Variants in MYSM1 observed in about 807,000 individuals in gnomAD.
The protein encoded by MYSM1 is Myb like, SWIRM and MPN domains 1.
In MYSM1, 51 loss-of-function variants were observed where a neutral mutation model predicts 116.0. The observed-to-expected ratio is 0.44, with a 90% CI of 0.35 to 0.56. MYSM1 has a LOEUF of 0.56. Among genes scored for constraint, MYSM1 ranks in the 20% least tolerant of loss-of-function variants. MYSM1 has a pLI of 0.00. For missense variants in MYSM1, 900 were observed against 974.9 expected (o/e 0.92, Z 1.02); for synonymous variants, 313 against 315.2 (o/e 0.99, Z 0.07).
chr1:58,671,981 T>G (rs1441983734), intron 11 of MYSM1, 23 bp from the exon 12 acceptor site: 1 of 1,583,000 alleles, frequency 6.3e-7, no homozygotes, highest in Admixed American at 1.7e-5. Flanking sequence ...GCCAATTGAT[T>G]AAGGAGTCCA....
intron 6 of MYSM1, among the ~76,000 whole-genome samples, chr1:58,686,736 T>C (rs1055286856): frequency 3.9e-5 from 6 of 152,142 alleles, no homozygotes; most frequent in African/African-American, 1.4e-4. Flanking sequence ...CATTGGTAGG[T>C]AGCATGGAGC....
At chr1:58,691,008 G>A (rs1433404709) in intron 3 of MYSM1, among the ~76,000 whole-genome samples, 6 of 152,064 alleles carry the variant, frequency 3.9e-5, no homozygotes, top group Admixed American at 6.5e-5. Context: ...GGCCAGGCGC[G>A]GTGGCTCACA....
Position 58,667,189 on chromosome 1 carries a change from C to A in MYSM1, c.1880G>T (p.Gly627Val). 6.2e-7 allele frequency: 1 copy of A among 1,606,268 alleles called. No individual in the cohort carries two copies. The highest frequency in any genetic ancestry group is 8.5e-7 in the Non-Finnish European group (1 of 1,175,468). The change falls in exon 16 of 20, where the codon GGA (glycine) becomes GTA (valine). Residue 627 changes from glycine to valine, a missense_variant. Physicochemically the swap from Gly to Val is moderately radical, Grantham distance 109. This residue lies in a region of MYSM1 where 92 missense variants were observed against 155.0 expected (regional missense o/e 0.59). Transcript: ENST00000472487. ...TACAGGATCCATCTCACACTGTAGT[C>A]CTGTACTCAGACTGTTACATGGTTC... ...AAEPCNSLST[G>V]LQCEMDPVSQ...
At position 58,682,215 on chromosome 1, in the gene MYSM1, T is replaced by C; in HGVS notation, c.829A>G (p.Arg277Gly). ...SQEALFSKSS[R>G]GCLQNEKQDE... ...TGCTTTTCATTTTGAAGACAGCCCC[T>C]GGAAGACTTAGAAAAGAGAGCTTCC... The change falls in exon 8 of 20, where the codon AGG becomes GGG. Residue 277 changes from arginine (R) to glycine (G), a missense_variant. By Grantham distance (125) the Arg-to-Gly change is moderately radical (BLOSUM62 -2). Around this residue, in one of 3 missense-constraint regions of MYSM1, gnomAD observed 622 missense variants for 623.7 expected, o/e 1.00. Transcript: ENST00000472487. The C allele has an allele frequency of 6.2e-7, 1 of 1,613,378 alleles. No homozygotes were observed. The highest frequency in any genetic ancestry group is 2.2e-5 in the East Asian group (1 of 44,852).
chr1:58,698,428 G>C (rs1203604803), intron 1 of MYSM1, among the ~76,000 whole-genome samples: 4 of 151,904 alleles, frequency 2.6e-5, no homozygotes, highest in African/African-American at 9.7e-5. Context: ...ATACTCCTTG[G>C]GGTTGTATAA....
intron 7 of MYSM1, 40 bp downstream of exon 7, chr1:58,685,113 A>C (rs1160303593): frequency 6.8e-7 from 1 of 1,478,538 alleles, no homozygotes; most frequent in African/African-American, 1.4e-5. Flanking sequence ...TTTTTTCTAA[A>C]TATTATCATT....
chr1:58,672,546 G>A (rs1644579094), intron 11 of MYSM1, among the ~76,000 whole-genome samples: 1 of 152,046 alleles, frequency 6.6e-6, no homozygotes, highest in Non-Finnish European at 1.5e-5. Flanking sequence ...CACACAGTAA[G>A]CCCTTTATAA....
intron 8 of MYSM1, 124 bp downstream of exon 8, chr1:58,681,661 A>T: frequency 1.0e-6 from 1 of 955,394 alleles, no homozygotes; most frequent in Non-Finnish European, 1.5e-6. Context: ...AAGAAATCTT[A>T]AATCTTCCCT....
At chr1:58,688,325 G>C (rs1644857931) in intron 6 of MYSM1, among the ~76,000 whole-genome samples, 1 of 151,208 alleles carries the variant, frequency 6.6e-6, no homozygotes, top group Non-Finnish European at 1.5e-5. Flanking sequence ...TATATGTAAT[G>C]TATAAATATA....
chr1:58,675,607 C>A (rs769846341), intron 9 of MYSM1, 27 bp from the exon 10 acceptor site: 1 of 1,571,020 alleles, frequency 6.4e-7, no homozygotes, highest in Non-Finnish European at 8.7e-7. Context: ...AAGATAAAAC[C>A]ATCTATTATT....
intron 17 of MYSM1, among the ~76,000 whole-genome samples, chr1:58,664,226 T>C (rs1644435410): frequency 6.6e-6 from 1 of 152,204 alleles, no homozygotes; most frequent in Admixed American, 6.5e-5. Context: ...GATTTAAAGA[T>C]GGTTTAAAAA....
intron 1 of MYSM1, among the ~76,000 whole-genome samples, chr1:58,696,829 G>T (rs1181495592): frequency 6.6e-6 from 1 of 152,144 alleles, no homozygotes; most frequent in South Asian, 2.1e-4. Context: ...ATAAAAATTT[G>T]TTGGACTAAA....
At chr1:58,663,643 C>G (rs1043944306) in intron 17 of MYSM1, among the ~76,000 whole-genome samples, 2 of 152,218 alleles carry the variant, frequency 1.3e-5, no homozygotes, top group Non-Finnish European at 1.5e-5. Flanking sequence ...ATAGTTCCCT[C>G]TAATGCTTTC....
rs1379070294 is a variant in MYSM1 at position 58,657,865 on chromosome 1, CA to C, written c.*2131del. Reference sequence around the variant, plus strand: ...TAGCAAATATGGTTAAACATTGGCACACAGGGCAAGGAGACTCAGATTTGAG... The same window carrying C: ...TAGCAAATATGGTTAAACATTGGCACCAGGGCAAGGAGACTCAGATTTGAG... On this transcript the variant is annotated 3_prime_UTR_variant, in exon 20 of 20. Coordinates refer to ENST00000472487, the MANE Select transcript of MYSM1 (RefSeq NM_001085487.3). 1 of 152,152 alleles carries C rather than the reference CA, an allele frequency of 6.6e-6. No individual in the cohort carries two copies. Among genetic ancestry groups the C allele is most frequent in the Non-Finnish European group, 1.5e-5 (1 of 68,040 alleles). The allele number at this position is 152,152 out of a possible 1,614,324, so 9.4% of individuals were successfully genotyped here. A position where few individuals can be genotyped will look rare whatever the true frequency, so the allele number is the denominator to read the frequency against.
rs149791489 is a variant in MYSM1 at position 58,698,658 on chromosome 1, G to C, written c.68+1327C>G. Reference sequence around the variant, plus strand: ...TCCAAGGCCAGCTCATTTCTTTCTAGACTGCAGATAAGTATCCCTGCCAAC... The same window carrying C: ...TCCAAGGCCAGCTCATTTCTTTCTACACTGCAGATAAGTATCCCTGCCAAC... On this transcript the variant is annotated intron_variant, in intron 1 of 19. Coordinates refer to ENST00000472487, the MANE Select transcript of MYSM1 (RefSeq NM_001085487.3). Among the ~76,000 whole-genome samples the C allele has an allele frequency of 5.9e-5, 9 of 152,288 alleles. No homozygotes were observed. The East Asian group carries it at 7.7e-4, about 13-fold the overall frequency.
At chr1:58,680,946 T>C (rs1049232053) in intron 8 of MYSM1, among the ~76,000 whole-genome samples, 2 of 151,938 alleles carry the variant, frequency 1.3e-5, no homozygotes, top group Non-Finnish European at 2.9e-5. Context: ...CTCAGCATCC[T>C]GAGTAGCTGG....
chr1:58,662,044 G>C (rs1005720707), intron 17 of MYSM1, among the ~76,000 whole-genome samples: 4 of 151,812 alleles, frequency 2.6e-5, no homozygotes, highest in African/African-American at 9.7e-5. Flanking sequence ...AAAGTGGCAG[G>C]ACACAGATGT....
Position 58,698,352 on chromosome 1 carries a change from G to A in MYSM1, c.68+1633C>T, listed in dbSNP as rs75976660. On this transcript the variant is annotated intron_variant, in intron 1 of 19. Transcript: ENST00000472487. ...CCTGACCTCGTGATCTGCCCGCCTC[G>A]GTCTCCCAAAGTGCTGGGATTACAG... 6.7e-4 allele frequency among the ~76,000 whole-genome samples: 101 copies of A among 151,056 alleles called. 4 individuals are homozygous for A. In the East Asian group the frequency reaches 0.019, roughly 28 times the overall value.
In MYSM1 at chr1:58,682,570, C is replaced by A. The variant is rs760849378; in HGVS notation, c.499-25G>T. The stretch of plus-strand genomic sequence containing the variant: ...CCTTATTAAAAATCAAAATAAAATC[C>A]CCATAATATTAAGATTTAAAAATTT... On this transcript the variant is annotated intron_variant, in intron 7 of 19. Transcript: ENST00000472487. 10 of 1,532,496 alleles carry A rather than the reference C, an allele frequency of 6.5e-6. No individual in the cohort carries two copies. The African/African-American group carries it at 1.3e-4, about 19-fold the overall frequency. The allele number at this position is 1,532,496 out of a possible 1,614,324, so 94.9% of individuals were successfully genotyped here.
Sources: gnomAD v4.1 joint callset for allele counts (sites outside exome capture counted in the v4.1 genomes callset) on GRCh38, gnomAD v4.1.1 for gene constraint, gnomAD v4.1.1 regional missense constraint, MANE v1.5 for transcripts, NCBI Gene and HGNC (gene_info 2026-07-23, HGNC 2026-07-21) for gene names.